The following PRH1 variants were observed in gnomAD, a reference collection of about 807,000 sequenced individuals.
PRH1 encodes salivary acidic proline-rich phosphoprotein 1/2.
A neutral mutation model predicts 7.9 loss-of-function variants in PRH1; 7 were observed. The ratio of observed to expected loss-of-function variants is 0.89; its 90% CI spans 0.50 to 1.67. The LOEUF (loss-of-function observed/expected upper bound fraction) is 1.67. Among genes scored for constraint, PRH1 ranks in the 40% most tolerant of loss-of-function variants. The pLI is 0.00. For missense variants in PRH1, 109 were observed against 223.6 expected (o/e 0.49, Z 3.27); for synonymous variants, 45 against 80.8 (o/e 0.56, Z 2.38).
chr12:11,084,395 T>C (rs77082574), intron 1 of PRH1, among the ~76,000 whole-genome samples: 9 of 145,540 alleles, frequency 6.2e-5, no homozygotes, highest in African/African-American at 2.4e-4. Context: ...GGACATTTGA[T>C]AGACTTCTCA....
At chr12:11,163,316 T>C (rs1428170121) in intron 1 of PRH1, among the ~76,000 whole-genome samples, 1 of 152,080 alleles carries the variant, frequency 6.6e-6, no homozygotes, top group African/African-American at 2.4e-5. Context: ...TGAACATTTA[T>C]TAAATAATCA....
chr12:11,067,740 G>C (rs969644086), intron 1 of PRH1, among the ~76,000 whole-genome samples: 2 of 152,150 alleles, frequency 1.3e-5, no homozygotes, highest in East Asian at 1.9e-4. Flanking sequence ...GTGCACGCCT[G>C]TTGTCCTAGC....
At chr12:10,925,579 A>G (rs1950112491) in intron 2 of PRH1, among the ~76,000 whole-genome samples, 1 of 152,250 alleles carries the variant, frequency 6.6e-6, no homozygotes, top group Non-Finnish European at 1.5e-5. Context: ...ATAAATTTGT[A>G]TGAGTATCTT....
chr12:11,082,786 A>G (rs142493216), intron 1 of PRH1, among the ~76,000 whole-genome samples: 1,871 of 116,326 alleles, frequency 0.016, 517 homozygotes, highest in Middle Eastern at 0.055. Flanking sequence ...CTGGCTGTTT[A>G]ATTTTGTTCC....
chr12:10,939,525 A>T (rs1591704018), intron 2 of PRH1, among the ~76,000 whole-genome samples: 1 of 149,936 alleles, frequency 6.7e-6, no homozygotes, highest in South Asian at 2.1e-4. Context: ...GCAAATAAGG[A>T]CATATTTATT....
chr12:11,055,693 C>T (rs983932003), intron 1 of PRH1, among the ~76,000 whole-genome samples: 3 of 151,600 alleles, frequency 2.0e-5, no homozygotes, highest in African/African-American at 4.8e-5. Context: ...TCTTATTCAT[C>T]ATTTTGCCAT....
At chr12:10,939,444 C>T (rs1278626439) in intron 2 of PRH1, among the ~76,000 whole-genome samples, 1 of 152,024 alleles carries the variant, frequency 6.6e-6, no homozygotes, top group Non-Finnish European at 1.5e-5. Flanking sequence ...TGCTGTGTGC[C>T]TTATACACAG....
intron 1 of PRH1, 89 bp from the exon 2 acceptor site, chr12:10,883,185 C>G: frequency 7.0e-7 from 1 of 1,432,902 alleles, no homozygotes; most frequent in South Asian, 1.2e-5. Flanking sequence ...GACCTCTGAT[C>G]ACACCCTGTG....
intron 1 of PRH1, among the ~76,000 whole-genome samples, chr12:11,053,207 A>C (rs1049067320): frequency 2.0e-5 from 3 of 152,270 alleles, no homozygotes; most frequent in African/African-American, 7.2e-5. Context: ...CCACAGATAC[A>C]TCATTGTATT....
At chr12:11,081,194 G>A (rs74848214) in intron 1 of PRH1, among the ~76,000 whole-genome samples, 42,020 of 94,236 alleles carry the variant, frequency 0.45, 6,829 homozygotes, top group Non-Finnish European at 0.54. Flanking sequence ...CTTTCTCTCT[G>A]TGCTTCATTC....
At chr12:10,987,673 T>G (rs1939718712) in intron 1 of PRH1, among the ~76,000 whole-genome samples, 1 of 151,602 alleles carries the variant, frequency 6.6e-6, no homozygotes, top group Non-Finnish European at 1.5e-5. Context: ...ATTTTCCCAG[T>G]GAAAACTGAG....
rs763361034 is a variant in PRH1, at chr12:10,986,709, A to C, written c.-125-12988T>G. ...GAGCAAACCAATTCTGGAGACCGCC[A>C]GAGCAGTGAGAATTTGGTCAGCTGA... On this transcript the variant is annotated intron_variant, in intron 1 of 3. Coordinates refer to the PRH1 transcript ENST00000539853. 76 of 1,613,040 alleles carry C rather than the reference A, an allele frequency of 4.7e-5. No homozygotes were observed. In the East Asian group the frequency reaches 1.7e-3, roughly 36 times the overall value.
intron 1 of PRH1, among the ~76,000 whole-genome samples, chr12:10,982,811 T>C (rs930715974): frequency 6.6e-6 from 1 of 152,210 alleles, no homozygotes; most frequent in Non-Finnish European, 1.5e-5. Flanking sequence ...AGGGGTCCAA[T>C]GCTTCTGGTC....
At chr12:11,136,349 A>C (rs1160668209) in intron 1 of PRH1, among the ~76,000 whole-genome samples, 5 of 152,050 alleles carry the variant, frequency 3.3e-5, no homozygotes, top group African/African-American at 4.8e-5. Flanking sequence ...GTTCCGTTGC[A>C]TGGAATTAAT....
chr12:11,045,101 T>TA (rs1942856621), intron 1 of PRH1, among the ~76,000 whole-genome samples: 1 of 152,116 alleles, frequency 6.6e-6, no homozygotes, highest in Non-Finnish European at 1.5e-5. Context: ...ATGGTACATA[T>TA]ACACAATGGA....
chr12:10,929,551 AC>A (rs1263540911), intron 2 of PRH1, among the ~76,000 whole-genome samples: 2 of 152,168 alleles, frequency 1.3e-5, no homozygotes, highest in African/African-American at 4.8e-5. Context: ...AAGAATTTGT[AC>A]CGGGGGAGTG....
At chr12:11,042,314 T>C (rs1942738095) in intron 1 of PRH1, among the ~76,000 whole-genome samples, 1 of 151,688 alleles carries the variant, frequency 6.6e-6, no homozygotes, top group African/African-American at 2.4e-5. Context: ...TTCAAAGAAA[T>C]ATTAGTGACT....
chr12:10,883,079 C>T lies in PRH1; in HGVS notation c.82G>A (p.Val28Ile), dbSNP rs1949433704. The change falls in exon 2 of 4, where the codon GTT becomes ATT. Residue 28 changes from valine (V) to isoleucine (I), a missense_variant. Around this residue, in one of 3 missense-constraint regions of PRH1, gnomAD observed 60 missense variants for 76.5 expected, o/e 0.78. Coordinates refer to ENST00000543626, the MANE Select transcript of PRH1 (RefSeq NM_001393989.1). ...GATTTACCTGATATTACGAGGGGAA[C>T]ATCTTCCTGGCTGACATCTAGAAAA... ...DLNEDVSQED[V>I]PLVISDGGDS... is the part of the protein sequence containing the mutation. 2 of 1,613,426 alleles carry T rather than the reference C, an allele frequency of 1.2e-6. No homozygotes were observed. Among genetic ancestry groups the T allele is most frequent in the Non-Finnish European group, 1.7e-6 (2 of 1,179,386 alleles).
intron 1 of PRH1, among the ~76,000 whole-genome samples, chr12:11,039,500 AAG>A (rs1942610088): frequency 6.6e-6 from 1 of 152,270 alleles, no homozygotes; most frequent in Admixed American, 6.5e-5. Flanking sequence ...CATGCCAATG[AAG>A]AGTTTTTTAA....
Sources: gnomAD v4.1 joint callset for allele counts (sites outside exome capture counted in the v4.1 genomes callset) on GRCh38, gnomAD v4.1.1 for gene constraint, gnomAD v4.1.1 regional missense constraint, MANE v1.5 for transcripts, NCBI Gene and HGNC (gene_info 2026-07-23, HGNC 2026-07-21) for gene names.